The following WDFY3 variants were observed in gnomAD, a reference collection of about 807,000 sequenced individuals.
WDFY3 encodes the protein WD repeat and FYVE domain containing 3, also known as WD repeat and FYVE domain-containing protein 3.
In WDFY3, 66 loss-of-function variants were observed where a neutral mutation model predicts 409.6. The ratio of observed to expected loss-of-function variants is 0.16; its 90% CI spans 0.13 to 0.20. The LOEUF (loss-of-function observed/expected upper bound fraction) is 0.20. Ranked by LOEUF, WDFY3 falls within the 10% of genes least tolerant of loss-of-function variation. The pLI, the probability that WDFY3 is intolerant of heterozygous loss-of-function variation, is 1.00. For missense variants in WDFY3, 3,031 were observed against 4,298.1 expected (o/e 0.71, Z 8.24); for synonymous variants, 1,521 against 1,537.1 (o/e 0.99, Z 0.25).
In WDFY3 at chr4:84,860,189, C is replaced by T. The variant is rs574210938; in HGVS notation, c.180+223G>A. Among the ~76,000 whole-genome samples the T allele has an allele frequency of 2.6e-5, 4 of 152,290 alleles. No homozygotes were observed. The South Asian group carries it at 6.2e-4, about 24-fold the overall frequency. Reference sequence around the variant, plus strand: ...CAATGGCTCACAGCTTGCACTTTATCTGTTAAAAATCAAAAAGTCTCACTA... The same window carrying T: ...CAATGGCTCACAGCTTGCACTTTATTTGTTAAAAATCAAAAAGTCTCACTA... On this transcript the variant is annotated intron_variant, in intron 4 of 67. Transcript: ENST00000295888.
At chr4:84,965,148 T>C (rs913540525) in intron 1 of WDFY3, among the ~76,000 whole-genome samples, 1 of 152,228 alleles carries the variant, frequency 6.6e-6, no homozygotes, top group African/African-American at 2.4e-5. Flanking sequence ...GTTATGTTTG[T>C]TACGTCGCCT....
intron 43 of WDFY3, 71 bp from the exon 44 acceptor site, chr4:84,733,680 G>A: frequency 7.3e-6 from 10 of 1,379,244 alleles, no homozygotes; most frequent in Non-Finnish European, 9.9e-6. Flanking sequence ...ACAAGTCACT[G>A]AAAATCAAGT....
intron 15 of WDFY3, among the ~76,000 whole-genome samples, chr4:84,806,797 G>C (rs1160851307): frequency 6.6e-6 from 1 of 151,862 alleles, no homozygotes; most frequent in Admixed American, 6.6e-5. Flanking sequence ...TTTTAGTAGA[G>C]ATGGGGTTTC....
intron 2 of WDFY3, among the ~76,000 whole-genome samples, chr4:84,898,494 C>A (rs993251427): frequency 2.0e-5 from 3 of 152,176 alleles, no homozygotes; most frequent in Admixed American, 2.0e-4. Flanking sequence ...GCACTTCCCA[C>A]TCACGGATAC....
intron 4 of WDFY3, among the ~76,000 whole-genome samples, chr4:84,851,972 C>T (rs1416662646): frequency 6.6e-6 from 1 of 152,126 alleles, no homozygotes; most frequent in Non-Finnish European, 1.5e-5. Flanking sequence ...TTCACAAATA[C>T]AAGATTCCTT....
At chr4:84,717,900 T>C (rs910109184) in intron 48 of WDFY3, among the ~76,000 whole-genome samples, 9 of 151,600 alleles carry the variant, frequency 5.9e-5, no homozygotes, top group African/African-American at 2.2e-4. Flanking sequence ...TACAAAAAAT[T>C]AGCCTGGCGT....
chr4:84,827,927 G>A (rs900049155), intron 9 of WDFY3, among the ~76,000 whole-genome samples: 2 of 151,996 alleles, frequency 1.3e-5, no homozygotes, highest in African/African-American at 4.8e-5. Context: ...ACCAGCCTGG[G>A]CAACATAGGC....
At chr4:84,900,835 T>C (rs373138580) in intron 2 of WDFY3, among the ~76,000 whole-genome samples, 12 of 152,254 alleles carry the variant, frequency 7.9e-5, no homozygotes, top group African/African-American at 2.9e-4. Flanking sequence ...TACTTTGTAA[T>C]AATCTAAAAA....
chr4:84,803,456 T>C lies in WDFY3; in HGVS notation c.2441A>G (p.His814Arg), dbSNP rs755332728. ...PALSRKRHAY[H>R]SVSTPPVYPP... is the part of the protein sequence containing the mutation. The stretch of plus-strand genomic sequence containing the variant: ...GTAAACAGGGGGAGTTGAAACAGAA[T>C]GATATGCATGCCTATAAAAAAAGAA... Residue 814 changes from histidine (H) to arginine (R), a missense_variant, in exon 16 of 68, where the codon CAT (histidine) becomes CGT (arginine). Physicochemically the swap from His to Arg is conservative, Grantham distance 29 (BLOSUM62 0). Coordinates refer to ENST00000295888, the MANE Select transcript of WDFY3 (RefSeq NM_014991.6). 1.2e-6 allele frequency: 2 copies of C among 1,611,158 alleles called. No individual in the cohort carries two copies. The highest frequency in any genetic ancestry group is 3.4e-5 in the Admixed American group (2 of 59,174).
At position 84,710,054 on chromosome 4, in the gene WDFY3, A is replaced by T. The variant is rs191662571; in HGVS notation, c.8043-707T>A. On this transcript the variant is annotated intron_variant, in intron 51 of 67. Coordinates refer to ENST00000295888, the MANE Select transcript of WDFY3 (RefSeq NM_014991.6). ...TCTTTTTAAAACCATTTTATAATTT[A>T]TTTTTTGTAGAGATGGGGTCTTGGT... is the stretch of plus-strand genomic sequence containing the variant. Among the ~76,000 whole-genome samples, 15 of 151,946 alleles carry T rather than the reference A, an allele frequency of 9.9e-5. No homozygotes were observed. In the East Asian group the frequency reaches 2.9e-3, roughly 30 times the overall value.
At chr4:84,817,689 A>G (rs575056914) in intron 12 of WDFY3, 104 bp from the exon 13 acceptor site, 1 of 1,038,784 alleles carries the variant, frequency 9.6e-7, no homozygotes, top group Admixed American at 3.0e-5. Context: ...AGTAACTCAT[A>G]ATAATGTAAA....
At position 84,817,505 on chromosome 4, in the gene WDFY3, T is replaced by C; in HGVS notation, c.1774A>G (p.Thr592Ala). 1 of 1,613,884 alleles carries C rather than the reference T, an allele frequency of 6.2e-7. No individual in the cohort carries two copies. The highest frequency in any genetic ancestry group is 8.5e-7 in the Non-Finnish European group (1 of 1,179,828). ...YPQCRQHALM[T>A]IQQLVLSPNG... ...GGGGAGAGCACCAGCTGTTGGATAG[T>C]CATCAAGGCATGCTGCCGGCATTGA... The change falls in exon 13 of 68, where the codon ACT becomes GCT. Residue 592 changes from threonine to alanine, a missense_variant. By Grantham distance (58) the Thr-to-Ala change is moderately conservative. This residue lies in a region of WDFY3 where 1,322 missense variants were observed against 1,697.9 expected (regional missense o/e 0.78). Transcript: ENST00000295888.
At chr4:84,712,182 G>A (rs888497820) in intron 51 of WDFY3, among the ~76,000 whole-genome samples, 2 of 151,608 alleles carry the variant, frequency 1.3e-5, no homozygotes, top group African/African-American at 2.4e-5. Context: ...CAATTAGACA[G>A]GCATGGTAGC....
rs202193007 is a variant in WDFY3 at position 84,739,001 on chromosome 4, G to C, written c.6574+9C>G. 6.8e-6 allele frequency: 11 copies of C among 1,613,056 alleles called. No individual in the cohort carries two copies. The highest frequency in any genetic ancestry group is 9.3e-6 in the Non-Finnish European group (11 of 1,179,184). ...ACAATTTAAAAACATCCCAAGTCAA[G>C]GCAATTACCTTCACTAATATCTTGG... On this transcript the variant is annotated intron_variant, in intron 40 of 67. Transcript: ENST00000295888.
At chr4:84,746,118 G>A (rs1739399682) in intron 36 of WDFY3, among the ~76,000 whole-genome samples, 1 of 149,314 alleles carries the variant, frequency 6.7e-6, no homozygotes, top group South Asian at 2.2e-4. Context: ...GACCAGCCTG[G>A]GGAACATGGC....
chr4:84,853,145 T>C (rs928856926), intron 4 of WDFY3, among the ~76,000 whole-genome samples: 12 of 152,126 alleles, frequency 7.9e-5, no homozygotes, highest in African/African-American at 2.9e-4. Flanking sequence ...ATTCCACCTG[T>C]GCTCAGAGAT....
At chr4:84,868,541 CCAT>C (rs1284642879) in intron 3 of WDFY3, among the ~76,000 whole-genome samples, 1 of 151,968 alleles carries the variant, frequency 6.6e-6, no homozygotes, top group Non-Finnish European at 1.5e-5. Context: ...GTCTATGGAC[CCAT>C]CATACTATAT....
At chr4:84,873,879 C>T (rs1374419903) in intron 3 of WDFY3, among the ~76,000 whole-genome samples, 1 of 151,672 alleles carries the variant, frequency 6.6e-6, no homozygotes, top group Non-Finnish European at 1.5e-5. Flanking sequence ...ACCTCCTGTA[C>T]TTAGGTAATT....
At chr4:84,917,539 T>C (rs983994083) in intron 2 of WDFY3, among the ~76,000 whole-genome samples, 13 of 152,194 alleles carry the variant, frequency 8.5e-5, no homozygotes, top group Non-Finnish European at 2.9e-5. Flanking sequence ...AGCAGATTTT[T>C]TTCTCATTCA....
Sources: allele counts gnomAD v4.1 joint callset (sites outside exome capture counted in the v4.1 genomes callset), GRCh38; gene constraint gnomAD v4.1.1; regional missense constraint gnomAD v4.1.1; transcripts MANE v1.5; gene names NCBI Gene and HGNC (gene_info 2026-07-23, HGNC 2026-07-21).